The following PTPRD variants were observed in gnomAD, a reference collection of about 807,000 sequenced individuals.
The protein encoded by PTPRD is protein tyrosine phosphatase receptor type D.
Under a neutral mutation model 214.5 loss-of-function variants are expected in PTPRD, and 34 were observed. That is an observed-to-expected ratio of 0.16 (90% CI 0.12 to 0.21). PTPRD has a LOEUF of 0.21. Among genes scored for constraint, PTPRD ranks in the 10% least tolerant of loss-of-function variants. PTPRD has a pLI of 1.00. For missense variants in PTPRD, 2,545 were observed against 2,398.7 expected (o/e 1.06, Z -1.27); for synonymous variants, 1,128 against 845.7 (o/e 1.33, Z -5.79).
At chr9:9,198,608 G>A (rs945709720) in intron 9 of PTPRD, among the ~76,000 whole-genome samples, 1 of 152,008 alleles carries the variant, frequency 6.6e-6, no homozygotes, top group Non-Finnish European at 1.5e-5. Flanking sequence ...CTGAGATTTG[G>A]CATTTCAATG....
At chr9:9,900,892 C>A (rs1488495090) in intron 5 of PTPRD, among the ~76,000 whole-genome samples, 1 of 152,110 alleles carries the variant, frequency 6.6e-6, no homozygotes, top group Non-Finnish European at 1.5e-5. Context: ...ACATTGACCT[C>A]CCAATTTTCA....
intron 9 of PTPRD, among the ~76,000 whole-genome samples, chr9:9,184,897 G>T (rs1036564681): frequency 9.9e-5 from 15 of 151,980 alleles, no homozygotes; most frequent in African/African-American, 3.6e-4. Context: ...GGGAACATAA[G>T]GCTTCATTTA....
intron 7 of PTPRD, among the ~76,000 whole-genome samples, chr9:9,581,027 G>A (rs1475047359): frequency 2.0e-5 from 3 of 152,060 alleles, no homozygotes; most frequent in Admixed American, 6.6e-5. Context: ...ACATGTGAAA[G>A]AAATAGGGGG....
chr9:10,323,519 T>C (rs1273367695), intron 3 of PTPRD, among the ~76,000 whole-genome samples: 1 of 151,436 alleles, frequency 6.6e-6, no homozygotes, highest in African/African-American at 2.4e-5. Context: ...TTTCTCAGAC[T>C]GGTCTCAAAC....
chr9:9,186,402 A>C (rs1224832244), intron 9 of PTPRD, among the ~76,000 whole-genome samples: 1 of 152,022 alleles, frequency 6.6e-6, no homozygotes, highest in East Asian at 1.9e-4. Flanking sequence ...TAGTATTTGT[A>C]TATGTTCATG....
At chr9:10,202,906 G>A (rs1176778336) in intron 3 of PTPRD, among the ~76,000 whole-genome samples, 2 of 151,812 alleles carry the variant, frequency 1.3e-5, no homozygotes, top group African/African-American at 2.4e-5. Flanking sequence ...ACCAGACACT[G>A]AATCTGTGGG....
intron 39 of PTPRD, among the ~76,000 whole-genome samples, chr9:8,346,282 A>G (rs2132853935): frequency 6.6e-6 from 1 of 152,208 alleles, no homozygotes; most frequent in South Asian, 2.1e-4. Flanking sequence ...ATTTTCAGGG[A>G]TTATTTGCTG....
At chr9:9,817,100 G>C (rs1808002270) in intron 5 of PTPRD, among the ~76,000 whole-genome samples, 1 of 152,088 alleles carries the variant, frequency 6.6e-6, no homozygotes, top group Non-Finnish European at 1.5e-5. Context: ...GGCAAGCTAA[G>C]ATTGCTTTTG....
At chr9:10,513,692 T>G (rs1384730454) in intron 2 of PTPRD, among the ~76,000 whole-genome samples, 1 of 152,140 alleles carries the variant, frequency 6.6e-6, no homozygotes, top group East Asian at 1.9e-4. Flanking sequence ...GGTGAATACT[T>G]TGAAAGTCAG....
intron 9 of PTPRD, among the ~76,000 whole-genome samples, chr9:9,295,317 G>A (rs145025959): frequency 6.6e-6 from 1 of 151,682 alleles, no homozygotes; most frequent in Non-Finnish European, 1.5e-5. Flanking sequence ...AACAACATAA[G>A]AAGCCAAATG....
At chr9:8,424,747 T>C (rs562384409) in intron 35 of PTPRD, among the ~76,000 whole-genome samples, 7 of 151,858 alleles carry the variant, frequency 4.6e-5, no homozygotes, top group Non-Finnish European at 8.8e-5. Context: ...GGAGGAGGGA[T>C]CATGAGAGAA....
chr9:10,510,319 T>C (rs1457841533), intron 2 of PTPRD, among the ~76,000 whole-genome samples: 1 of 152,058 alleles, frequency 6.6e-6, no homozygotes, highest in Non-Finnish European at 1.5e-5. Flanking sequence ...ACAATTCACA[T>C]ACACAAATTT....
At position 8,316,812 on chromosome 9, in the gene PTPRD, T is replaced by C. The variant is rs553446771; in HGVS notation, c.*1062A>G. 1.2e-4 allele frequency: 28 copies of C among 231,044 alleles called. No homozygotes were observed. Among genetic ancestry groups the C allele is most frequent in the African/African-American group, 6.0e-4 (27 of 45,092 alleles). 14.3% of individuals were successfully genotyped at this position (231,044 alleles called of 1,614,324 possible). A position where few individuals can be genotyped will look rare whatever the true frequency, so the allele number is the denominator to read the frequency against. On this transcript the variant is annotated 3_prime_UTR_variant, in exon 46 of 46. Transcript: ENST00000381196. ...TCATTTCCCTTTAAAGAAATACCAA[T>C]ATGTCAAAAAATTAAGAATAAATGG...
At chr9:8,722,123 CTGTGTGTG>C (rs34720946) in intron 12 of PTPRD, among the ~76,000 whole-genome samples, 1,752 of 147,254 alleles carry the variant, frequency 0.012, 24 homozygotes, top group African/African-American at 0.027. Context: ...AAGTATTACT[CTGTGTGTG>C]TGTGTGTGTG....
chr9:10,373,946 T>A (rs1326708487), intron 2 of PTPRD, among the ~76,000 whole-genome samples: 3 of 152,096 alleles, frequency 2.0e-5, no homozygotes, highest in African/African-American at 4.8e-5. Context: ...TGAGTTCACA[T>A]CAATCACAGG....
chr9:10,129,565 A>C (rs1022433877), intron 3 of PTPRD, among the ~76,000 whole-genome samples: 120 of 140,924 alleles, frequency 8.5e-4, no homozygotes, highest in Non-Finnish European at 1.3e-3. Context: ...ATTGTCTACC[A>C]TCTCACCTAC....
At chr9:9,530,833 G>C (rs563564301) in intron 8 of PTPRD, among the ~76,000 whole-genome samples, 19 of 152,242 alleles carry the variant, frequency 1.2e-4, no homozygotes, top group African/African-American at 4.6e-4. Context: ...TAAAAATGCT[G>C]ATCTCAGGGA....
intron 39 of PTPRD, among the ~76,000 whole-genome samples, chr9:8,370,122 A>G (rs72691027): frequency 0.23 from 34,670 of 151,842 alleles, 5,708 homozygotes; most frequent in African/African-American, 0.42. Context: ...TTTAATAAAT[A>G]GAAAGTTCTG....
chr9:9,833,040 T>C (rs2055440414), intron 5 of PTPRD, among the ~76,000 whole-genome samples: 1 of 151,968 alleles, frequency 6.6e-6, no homozygotes, highest in Non-Finnish European at 1.5e-5. Flanking sequence ...TGGTAGAAAT[T>C]CATGGTTCCT....
Sources: gnomAD v4.1 joint callset for allele counts (sites outside exome capture counted in the v4.1 genomes callset) on GRCh38, gnomAD v4.1.1 for gene constraint, MANE v1.5 for transcripts, NCBI Gene and HGNC (gene_info 2026-07-23, HGNC 2026-07-21) for gene names.